PHACTR1: variants seen among roughly 807,000 people sequenced by gnomAD.
PHACTR1 encodes phosphatase and actin regulator 1.
Under a neutral mutation model 69.2 loss-of-function variants are expected in PHACTR1, and 16 were observed. The observed-to-expected ratio is 0.23, with a 90% CI of 0.16 to 0.35. The LOEUF (loss-of-function observed/expected upper bound fraction) is 0.35, where lower values mean the gene tolerates loss of function less well. PHACTR1 is among the 10% of genes least tolerant of loss of function. The pLI, the probability that PHACTR1 is intolerant of heterozygous loss-of-function variation, is 1.00. For missense variants in PHACTR1, 510 were observed against 734.7 expected (o/e 0.69, Z 3.54); for synonymous variants, 312 against 284.5 (o/e 1.10, Z -0.97).
chr6:12,890,080 G>A (rs1006856757), intron 4 of PHACTR1, among the ~76,000 whole-genome samples: 10 of 152,034 alleles, frequency 6.6e-5, no homozygotes, highest in African/African-American at 2.2e-4. Context: ...GAGCATTCCC[G>A]CCTGAGCTCC....
intron 4 of PHACTR1, among the ~76,000 whole-genome samples, chr6:12,788,175 A>C (rs1188863316): frequency 2.6e-5 from 4 of 151,654 alleles, no homozygotes; most frequent in African/African-American, 7.3e-5. Context: ...AAAAAAAAAA[A>C]AACACCTCAA....
At chr6:13,116,786 T>C (rs1006738536) in intron 5 of PHACTR1, among the ~76,000 whole-genome samples, 1 of 152,192 alleles carries the variant, frequency 6.6e-6, no homozygotes, top group Non-Finnish European at 1.5e-5. Flanking sequence ...TTTTTGAGCA[T>C]TTTATTTGAG....
intron 4 of PHACTR1, among the ~76,000 whole-genome samples, chr6:12,821,848 A>G (rs955241524): frequency 2.6e-5 from 4 of 152,238 alleles, no homozygotes; most frequent in African/African-American, 9.6e-5. Flanking sequence ...GGTCACACAA[A>G]CTGGTCCAGA....
chr6:12,979,723 C>A (rs1192846022), intron 4 of PHACTR1, among the ~76,000 whole-genome samples: 1 of 150,152 alleles, frequency 6.7e-6, no homozygotes, highest in African/African-American at 2.5e-5. Flanking sequence ...AAATGACCCC[C>A]TCCTCCAAAA....
chr6:12,793,068 A>G (rs1772537470), intron 4 of PHACTR1, among the ~76,000 whole-genome samples: 1 of 152,178 alleles, frequency 6.6e-6, no homozygotes, highest in Non-Finnish European at 1.5e-5. Flanking sequence ...ACCACCTGTT[A>G]GAATTAAATA....
In PHACTR1 at chr6:13,155,240, C is replaced by A. The variant is rs527315630; in HGVS notation, c.416-4964C>A. On this transcript the variant is annotated intron_variant, in intron 5 of 14. Transcript: ENST00000332995. ...TTAGGTCAAAACAACCTTAATGTTACCATGCTTCGGTTGTCCTACACTTTC... is the reference window on the plus strand; with the variant it reads ...TTAGGTCAAAACAACCTTAATGTTAACATGCTTCGGTTGTCCTACACTTTC... 3.9e-5 allele frequency among the ~76,000 whole-genome samples: 6 copies of A among 152,288 alleles called. No individual in the cohort carries two copies. The South Asian group carries it at 1.2e-3, about 32-fold the overall frequency.
intron 5 of PHACTR1, among the ~76,000 whole-genome samples, chr6:13,105,255 T>G (rs1815907710): frequency 6.6e-6 from 1 of 152,114 alleles, no homozygotes; most frequent in African/African-American, 2.4e-5. Flanking sequence ...GATGCACACC[T>G]GTACTCCCAG....
At chr6:13,026,289 G>A (rs904486336) in intron 4 of PHACTR1, among the ~76,000 whole-genome samples, 1 of 152,240 alleles carries the variant, frequency 6.6e-6, no homozygotes, top group South Asian at 2.1e-4. Flanking sequence ...AAAACAGAGC[G>A]CCCCTGGGAA....
chr6:12,729,889 G>C (rs958649456), intron 3 of PHACTR1, among the ~76,000 whole-genome samples: 8 of 152,198 alleles, frequency 5.3e-5, no homozygotes, highest in African/African-American at 1.9e-4. Context: ...TAGGTAGACA[G>C]AGAGTGAGAG....
chr6:12,950,763 TC>T (rs1381310659), intron 4 of PHACTR1, among the ~76,000 whole-genome samples: 2 of 152,034 alleles, frequency 1.3e-5, no homozygotes, highest in African/African-American at 4.8e-5. Context: ...CCTTAGAACT[TC>T]CCCCCAGTTT....
chr6:13,126,363 A>G (rs1213838586), intron 5 of PHACTR1, among the ~76,000 whole-genome samples: 5 of 152,206 alleles, frequency 3.3e-5, no homozygotes, highest in Non-Finnish European at 5.9e-5. Context: ...ACTTCTTAAA[A>G]TTTGCAAGAA....
intron 4 of PHACTR1, among the ~76,000 whole-genome samples, chr6:12,852,424 C>T (rs954491515): frequency 1.3e-4 from 20 of 152,090 alleles, no homozygotes; most frequent in African/African-American, 3.9e-4. Context: ...GAAGGCAGAA[C>T]GGGATGGTAC....
intron 5 of PHACTR1, among the ~76,000 whole-genome samples, chr6:13,058,221 T>A (rs1246598845): frequency 6.6e-6 from 1 of 152,204 alleles, no homozygotes; most frequent in Admixed American, 6.5e-5. Flanking sequence ...TGCAGCGATC[T>A]TATCCAAATT....
At chr6:12,771,098 C>T (rs968750214) in intron 4 of PHACTR1, among the ~76,000 whole-genome samples, 2 of 152,132 alleles carry the variant, frequency 1.3e-5, no homozygotes, top group Non-Finnish European at 2.9e-5. Context: ...ATGATAACAA[C>T]ATGAGAAAGA....
At chr6:13,160,108 G>C in intron 5 of PHACTR1, 96 bp from the exon 6 acceptor site, 1 of 1,038,610 alleles carries the variant, frequency 9.6e-7, no homozygotes, top group Admixed American at 1.8e-5. Flanking sequence ...AAGCTTTCTC[G>C]TATGTTACAT....
At chr6:13,225,935 G>A (rs1584059982) in intron 8 of PHACTR1, among the ~76,000 whole-genome samples, 1 of 152,218 alleles carries the variant, frequency 6.6e-6, no homozygotes, top group African/African-American at 2.4e-5. Context: ...TAAAAGGGCT[G>A]CTTTGCAGGG....
At chr6:12,920,415 A>G (rs1164037223) in intron 4 of PHACTR1, among the ~76,000 whole-genome samples, 2 of 152,268 alleles carry the variant, frequency 1.3e-5, no homozygotes, top group African/African-American at 4.8e-5. Context: ...ATCACTCATC[A>G]GTTTAAAAGA....
At chr6:13,111,874 C>T (rs1817092458) in intron 5 of PHACTR1, among the ~76,000 whole-genome samples, 1 of 151,896 alleles carries the variant, frequency 6.6e-6, no homozygotes, top group South Asian at 2.1e-4. Context: ...TACTAAGTGC[C>T]TTCATTTTTT....
intron 4 of PHACTR1, among the ~76,000 whole-genome samples, chr6:12,902,193 G>T (rs957709977): frequency 1.3e-5 from 2 of 152,152 alleles, no homozygotes; most frequent in African/African-American, 4.8e-5. Flanking sequence ...GGGACGGAGG[G>T]AGGTGGATCA....
Sources: allele counts gnomAD v4.1 joint callset (sites outside exome capture counted in the v4.1 genomes callset), GRCh38; gene constraint gnomAD v4.1.1; transcripts MANE v1.5; gene names NCBI Gene and HGNC (gene_info 2026-07-23, HGNC 2026-07-21).